The following ZFP64 variants were observed in gnomAD, a reference collection of about 807,000 sequenced individuals.
The protein encoded by ZFP64 is ZFP64 zinc finger protein, also known as zinc finger protein 64.
ZFP64 carries 14 observed loss-of-function variants against 51.6 expected under a neutral mutation model. The observed-to-expected ratio is 0.27, with a 90% confidence interval of 0.18 to 0.42. The LOEUF (loss-of-function observed/expected upper bound fraction) is 0.42. Ranked by LOEUF, ZFP64 falls within the 10% of genes least tolerant of loss-of-function variation. The probability of loss-of-function intolerance (pLI) is 1.00; values close to 1 mark genes in which losing one functional copy is unlikely to be tolerated. For synonymous variants in ZFP64, 375 were observed against 361.4 expected, an observed-to-expected ratio of 1.04 and a Z score of -0.43; for missense variants, 754 against 906.8, an observed-to-expected ratio of 0.83 and a Z score of 2.16.
At chr20:52,119,697 G>A (rs575149070) in intron 5 of ZFP64, among the ~76,000 whole-genome samples, 113 of 151,098 alleles carry the variant, frequency 7.5e-4, no homozygotes, top group Non-Finnish European at 1.3e-3. Context: ...CCTGGGAGGC[G>A]GAGGTTGCAG....
At chr20:52,135,958 G>T (rs1979951640) in intron 5 of ZFP64, among the ~76,000 whole-genome samples, 1 of 151,644 alleles carries the variant, frequency 6.6e-6, no homozygotes, top group Admixed American at 6.6e-5. Context: ...AATTAGCTGG[G>T]CATAGTGGTG....
At chr20:52,132,265 G>C (rs1187826385) in intron 5 of ZFP64, among the ~76,000 whole-genome samples, 1 of 151,754 alleles carries the variant, frequency 6.6e-6, no homozygotes, top group Non-Finnish European at 1.5e-5. Flanking sequence ...TACATAAAAA[G>C]GAGAAAAAAC....
intron 2 of ZFP64, among the ~76,000 whole-genome samples, chr20:52,185,839 C>G (rs1983925356): frequency 6.6e-6 from 1 of 152,066 alleles, no homozygotes; most frequent in African/African-American, 2.4e-5. Context: ...CCTTAGCCTC[C>G]CAAAGTGCTG....
At chr20:52,113,227 G>A (rs1978686591) in intron 5 of ZFP64, among the ~76,000 whole-genome samples, 1 of 151,454 alleles carries the variant, frequency 6.6e-6, no homozygotes, top group Non-Finnish European at 1.5e-5. Context: ...CCAGCTACTC[G>A]GGAGGCTGAG....
chr20:52,159,318 G>C (rs1203823188), intron 5 of ZFP64, among the ~76,000 whole-genome samples: 1 of 152,210 alleles, frequency 6.6e-6, no homozygotes, highest in Non-Finnish European at 1.5e-5. Context: ...TGGTCAAGCT[G>C]TTCCATGCTG....
chr20:52,138,267 T>C (rs1980081243), intron 5 of ZFP64, among the ~76,000 whole-genome samples: 1 of 151,844 alleles, frequency 6.6e-6, no homozygotes. Flanking sequence ...TATATAACTT[T>C]CTAGAGATAG....
chr20:52,168,516 T>C, intron 2 of ZFP64, among the ~76,000 whole-genome samples: 1 of 152,146 alleles, frequency 6.6e-6, no homozygotes, highest in South Asian at 2.1e-4. Flanking sequence ...ACTCTGGGGG[T>C]GCACCCAACA....
At chr20:52,098,604 G>A (rs376358683) in intron 5 of ZFP64, 77 of 1,613,810 alleles carry the variant, frequency 4.8e-5, no homozygotes, top group Non-Finnish European at 4.2e-6. Context: ...TTGAGGCATA[G>A]TTTTGCTTAG....
At chr20:52,155,605 G>GT (rs753060475) in intron 5 of ZFP64, among the ~76,000 whole-genome samples, 10 of 150,748 alleles carry the variant, frequency 6.6e-5, no homozygotes, top group South Asian at 2.1e-4. Context: ...GCTTAACAAC[G>GT]TTTTTTGGCA....
chr20:52,098,188 A>AT (rs1431228941), intron 6 of ZFP64, among the ~76,000 whole-genome samples: 1 of 151,520 alleles, frequency 6.6e-6, no homozygotes, highest in Non-Finnish European at 1.5e-5. Context: ...AAAAAAAAAA[A>AT]AGAGTCCATA....
intron 5 of ZFP64, among the ~76,000 whole-genome samples, chr20:52,126,206 G>A (rs532189529): frequency 3.9e-5 from 6 of 152,216 alleles, no homozygotes; most frequent in Admixed American, 1.3e-4. Context: ...CCCACAACAC[G>A]TATTGTTTTA....
At chr20:52,120,632 T>A (rs1378782149) in intron 5 of ZFP64, among the ~76,000 whole-genome samples, 3 of 143,886 alleles carry the variant, frequency 2.1e-5, no homozygotes, top group African/African-American at 8.9e-5. Flanking sequence ...TTTCAAACTT[T>A]ATCATTTATT....
At chr20:52,177,633 G>C (rs62215765) in intron 2 of ZFP64, among the ~76,000 whole-genome samples, 12,456 of 152,246 alleles carry the variant, frequency 0.082, 566 homozygotes, top group Non-Finnish European at 0.1. Flanking sequence ...GAGGAAGACG[G>C]AAAGAACTCC....
At chr20:52,115,392 A>G (rs1978810369) in intron 5 of ZFP64, among the ~76,000 whole-genome samples, 1 of 151,714 alleles carries the variant, frequency 6.6e-6, no homozygotes, top group African/African-American at 2.4e-5. Flanking sequence ...AAGTACTGGA[A>G]GAATACATGC....
At position 52,168,762 on chromosome 20, in the gene ZFP64, G is replaced by T. The variant is rs1673451179; in HGVS notation, c.287-2737C>A. Among the ~76,000 whole-genome samples, 8 of 152,242 alleles carry T rather than the reference G, an allele frequency of 5.3e-5. No individual in the cohort carries two copies. In the South Asian group the frequency reaches 1.7e-3, roughly 32 times the overall value. ...AGATTTACCCCGTTACGGTTTTCAG[G>T]CATTTCTGGGTAAGCAATTACTTTT... On this transcript the variant is annotated intron_variant, in intron 2 of 5. Transcript: ENST00000216923.
intron 2 of ZFP64, among the ~76,000 whole-genome samples, chr20:52,184,122 A>G (rs1312254332): frequency 6.6e-6 from 1 of 152,180 alleles, no homozygotes; most frequent in Admixed American, 6.5e-5. Context: ...CTGGGACTAC[A>G]GGTGTGAGCC....
chr20:52,161,546 T>G (rs1409624075), intron 4 of ZFP64, among the ~76,000 whole-genome samples: 1 of 151,090 alleles, frequency 6.6e-6, no homozygotes, highest in Non-Finnish European at 1.5e-5. Context: ...TTTCATATCA[T>G]TACATACCCA....
chr20:52,149,633 T>C (rs1980693319), downstream of ZFP64, among the ~76,000 whole-genome samples: 1 of 152,200 alleles, frequency 6.6e-6, no homozygotes, highest in Non-Finnish European at 1.5e-5. Flanking sequence ...AGTTGTTGGC[T>C]TGGTGTTTGT....
At chr20:52,142,839 C>CAAAAAAAAAAAAAAAAAAA (rs386393987) in intron 5 of ZFP64, among the ~76,000 whole-genome samples, 1 of 55,046 alleles carries the variant, frequency 1.8e-5, no homozygotes, top group African/African-American at 5.6e-5. Flanking sequence ...GACTCCATCT[C>CAAAAAAAAAAAAAAAAAAA]AAAAAAAAAA....
Sources: allele counts gnomAD v4.1 joint callset (sites outside exome capture counted in the v4.1 genomes callset), GRCh38; gene constraint gnomAD v4.1.1; transcripts MANE v1.5; gene names NCBI Gene and HGNC (gene_info 2026-07-23, HGNC 2026-07-21).